Variants in MACROD2 observed in about 807,000 individuals in gnomAD.
MACROD2 encodes mono-ADP ribosylhydrolase 2.
MACROD2 carries 36 observed loss-of-function variants against 70.4 expected under a neutral mutation model. That is an observed-to-expected ratio of 0.51 (90% CI 0.39 to 0.68). The LOEUF (loss-of-function observed/expected upper bound fraction) is 0.68. Among genes scored for constraint, MACROD2 ranks in the 30% least tolerant of loss-of-function variants. The pLI is 0.00. For missense variants in MACROD2, 496 were observed against 538.4 expected (o/e 0.92, Z 0.78); for synonymous variants, 172 against 178.8 (o/e 0.96, Z 0.30).
At chr20:14,301,311 A>C (rs1366835189) in intron 3 of MACROD2, among the ~76,000 whole-genome samples, 1 of 152,210 alleles carries the variant, frequency 6.6e-6, no homozygotes, top group Admixed American at 6.5e-5. Flanking sequence ...AGGTGGGAAA[A>C]AATAAAGAAA....
At chr20:15,380,551 T>G (rs2045629611) in intron 6 of MACROD2, among the ~76,000 whole-genome samples, 1 of 152,026 alleles carries the variant, frequency 6.6e-6, no homozygotes, top group Non-Finnish European at 1.5e-5. Context: ...CTTAATTATG[T>G]TGTTATGTTT....
At chr20:15,600,838 T>C (rs1460489216) in intron 8 of MACROD2, among the ~76,000 whole-genome samples, 4 of 152,144 alleles carry the variant, frequency 2.6e-5, no homozygotes. Context: ...AGCTCAAAAA[T>C]ATATATATTA....
At chr20:14,907,008 G>T (rs1034660871) in intron 5 of MACROD2, among the ~76,000 whole-genome samples, 20 of 152,144 alleles carry the variant, frequency 1.3e-4, no homozygotes, top group African/African-American at 4.8e-4. Flanking sequence ...CAGCTCTGGA[G>T]GTGGAACTTG....
chr20:14,395,501 A>G (rs531283849), intron 3 of MACROD2, among the ~76,000 whole-genome samples: 116 of 152,184 alleles, frequency 7.6e-4, no homozygotes, highest in South Asian at 2.3e-3. Context: ...TCAGTTGGCT[A>G]GAAATTTACC....
intron 5 of MACROD2, among the ~76,000 whole-genome samples, chr20:15,066,589 A>G (rs1342295124): frequency 6.6e-6 from 1 of 151,950 alleles, no homozygotes; most frequent in Non-Finnish European, 1.5e-5. Flanking sequence ...TTAAAAGTGC[A>G]GTGAACTCGG....
intron 3 of MACROD2, chr20:14,128,020 T>C (rs1024506782): frequency 3.6e-6 from 2 of 554,688 alleles, no homozygotes; most frequent in Admixed American, 3.9e-5. Flanking sequence ...TTTGAACAGA[T>C]GCAAAATCAG....
chr20:15,639,416 G>C (rs961714948), intron 8 of MACROD2, among the ~76,000 whole-genome samples: 1 of 152,092 alleles, frequency 6.6e-6, no homozygotes, highest in Non-Finnish European at 1.5e-5. Flanking sequence ...TGAAATTCGA[G>C]GTCATCCTTA....
intron 4 of MACROD2, among the ~76,000 whole-genome samples, chr20:14,620,536 G>C (rs1243294979): frequency 6.6e-6 from 1 of 151,878 alleles, no homozygotes; most frequent in Non-Finnish European, 1.5e-5. Context: ...CAAATTTAAT[G>C]AGCCCAGAGG....
chr20:15,877,197 G>A (rs923995513), intron 9 of MACROD2, among the ~76,000 whole-genome samples: 3 of 151,970 alleles, frequency 2.0e-5, no homozygotes, highest in African/African-American at 4.8e-5. Flanking sequence ...GCTTGCACAC[G>A]TCCATCTCCA....
chr20:15,500,828 G>T (rs114437611), intron 8 of MACROD2, among the ~76,000 whole-genome samples: 3,265 of 152,228 alleles, frequency 0.021, 126 homozygotes, highest in African/African-American at 0.072. Flanking sequence ...CTATCCATTT[G>T]GGTGCTTACC....
At position 14,220,104 on chromosome 20, in the gene MACROD2, C is replaced by T. The variant is rs1053863407; in HGVS notation, c.271+134376C>T. On this transcript the variant is annotated intron_variant, in intron 3 of 17. Coordinates refer to ENST00000684519, the MANE Select transcript of MACROD2 (RefSeq NM_001351661.2). The stretch of plus-strand genomic sequence containing the variant: ...GGCCTAGAACAACCAAGTTTATATA[C>T]CCTTTGTCTTCCACTACCAGGGTGG... Among the ~76,000 whole-genome samples, 6 of 152,090 alleles carry T rather than the reference C, an allele frequency of 3.9e-5. No homozygotes were observed. In the East Asian group the frequency reaches 5.8e-4, roughly 15 times the overall value.
chr20:14,333,315 A>G (rs973231816), intron 3 of MACROD2, among the ~76,000 whole-genome samples: 3 of 152,158 alleles, frequency 2.0e-5, no homozygotes, highest in Non-Finnish European at 4.4e-5. Flanking sequence ...CTGACAAATG[A>G]ATCAAATTCT....
chr20:14,761,514 C>T (rs1224316647), intron 5 of MACROD2, among the ~76,000 whole-genome samples: 1 of 152,074 alleles, frequency 6.6e-6, no homozygotes, highest in East Asian at 1.9e-4. Context: ...TTTACTGCCC[C>T]TTCCTTCAAA....
chr20:15,698,354 A>G (rs991339624), intron 8 of MACROD2, among the ~76,000 whole-genome samples: 1 of 152,166 alleles, frequency 6.6e-6, no homozygotes, highest in African/African-American at 2.4e-5. Flanking sequence ...CCTGGATACA[A>G]AATTCTTGAC....
intron 10 of MACROD2, among the ~76,000 whole-genome samples, chr20:15,921,339 C>T (rs1163997263): frequency 3.3e-5 from 5 of 152,226 alleles, no homozygotes; most frequent in Non-Finnish European, 5.9e-5. Flanking sequence ...ACTCATCCTA[C>T]TTCATTTGCG....
intron 3 of MACROD2, among the ~76,000 whole-genome samples, chr20:14,445,713 G>A (rs2084175102): frequency 6.6e-6 from 1 of 152,072 alleles, no homozygotes; most frequent in African/African-American, 2.4e-5. Flanking sequence ...TTTGATGTTT[G>A]ATTTTAAAAA....
intron 3 of MACROD2, among the ~76,000 whole-genome samples, chr20:14,180,161 C>G (rs2081294434): frequency 6.6e-6 from 1 of 151,842 alleles, no homozygotes; most frequent in South Asian, 2.1e-4. Context: ...TTTCTGTTCT[C>G]TAGACTGTTA....
chr20:14,387,605 A>G (rs1470243068), intron 3 of MACROD2, among the ~76,000 whole-genome samples: 2 of 152,228 alleles, frequency 1.3e-5, no homozygotes, highest in Admixed American at 1.3e-4. Context: ...CCAAGCATAT[A>G]AAAACACACA....
At chr20:14,257,347 C>T (rs978611470) in intron 3 of MACROD2, among the ~76,000 whole-genome samples, 2 of 152,066 alleles carry the variant, frequency 1.3e-5, no homozygotes, top group African/African-American at 2.4e-5. Context: ...TTTTAAGATG[C>T]AGATTACTTT....
Sources: allele counts gnomAD v4.1 joint callset (sites outside exome capture counted in the v4.1 genomes callset), GRCh38; gene constraint gnomAD v4.1.1; transcripts MANE v1.5; gene names NCBI Gene and HGNC (gene_info 2026-07-23, HGNC 2026-07-21).